The following NRG3 variants were observed in gnomAD, a reference collection of about 807,000 sequenced individuals.
NRG3 encodes the protein pro-neuregulin-3, membrane-bound isoform.
Under a neutral mutation model 66.9 loss-of-function variants are expected in NRG3, and 31 were observed. The ratio of observed to expected loss-of-function variants is 0.46; its 90% confidence interval spans 0.35 to 0.63. The LOEUF is 0.63. NRG3 is among the 20% of genes least tolerant of loss of function. NRG3 has a pLI of 0.00. For synonymous variants in NRG3, 393 were observed against 359.4 expected (o/e 1.09, Z -1.06); for missense variants, 910 against 878.9 (o/e 1.04, Z -0.45).
chr10:81,976,330 C>G lies in NRG3; in HGVS notation c.823+100167C>G, dbSNP rs570489210. 7.9e-5 allele frequency among the ~76,000 whole-genome samples: 12 copies of G among 152,250 alleles called. No individual in the cohort carries two copies. The South Asian group carries it at 1.2e-3, about 16-fold the overall frequency. On this transcript the variant is annotated intron_variant, in intron 1 of 8. Transcript: ENST00000372141. The stretch of plus-strand genomic sequence containing the variant: ...GGCCTGCTGGAATGTGGGCACTGCA[C>G]TTACTAGTAAAATAGGCTGGCCTCC...
chr10:82,209,716 G>A (rs957560054), intron 1 of NRG3, among the ~76,000 whole-genome samples: 3 of 152,094 alleles, frequency 2.0e-5, no homozygotes, highest in Non-Finnish European at 4.4e-5. Flanking sequence ...GCTTAGGAAT[G>A]TACTTTTCTT....
At chr10:82,715,202 C>T (rs1031439071) in intron 2 of NRG3, among the ~76,000 whole-genome samples, 1 of 152,126 alleles carries the variant, frequency 6.6e-6, no homozygotes, top group Non-Finnish European at 1.5e-5. Flanking sequence ...CGAGACCAGC[C>T]TGAGCAACAT....
intron 2 of NRG3, among the ~76,000 whole-genome samples, chr10:82,733,826 A>G (rs751890527): frequency 8.5e-5 from 13 of 152,206 alleles, no homozygotes; most frequent in Admixed American, 6.5e-4. Flanking sequence ...TTTTTCACTC[A>G]TTGTCATATT....
chr10:82,054,663 G>A (rs949215332), intron 1 of NRG3, among the ~76,000 whole-genome samples: 1 of 152,008 alleles, frequency 6.6e-6, no homozygotes, highest in African/African-American at 2.4e-5. Flanking sequence ...AAGTGGGGAG[G>A]AACCAGCAAA....
chr10:82,295,956 TA>T (rs1589627306), intron 1 of NRG3, among the ~76,000 whole-genome samples: 2 of 152,114 alleles, frequency 1.3e-5, no homozygotes, highest in East Asian at 3.9e-4. Context: ...TGGATACATG[TA>T]AAATTACTAT....
intron 2 of NRG3, among the ~76,000 whole-genome samples, chr10:82,659,375 A>T (rs532424591): frequency 1.8e-4 from 27 of 152,286 alleles, no homozygotes; most frequent in African/African-American, 6.3e-4. Context: ...AAAATATTCT[A>T]GGCTGGGCAT....
At chr10:82,835,342 G>A (rs2062722056) in intron 3 of NRG3, among the ~76,000 whole-genome samples, 1 of 152,134 alleles carries the variant, frequency 6.6e-6, no homozygotes, top group African/African-American at 2.4e-5. Context: ...TCCACGATGA[G>A]ATTCACCATA....
chr10:82,289,794 T>C (rs897623366), intron 1 of NRG3, among the ~76,000 whole-genome samples: 1 of 152,200 alleles, frequency 6.6e-6, no homozygotes, highest in African/African-American at 2.4e-5. Flanking sequence ...AATGTATACA[T>C]ATACATTTGC....
At chr10:82,603,621 G>A (rs2047771633) in intron 2 of NRG3, among the ~76,000 whole-genome samples, 1 of 152,002 alleles carries the variant, frequency 6.6e-6, no homozygotes, top group African/African-American at 2.4e-5. Flanking sequence ...TGGTGTGCAA[G>A]CGTAAGCTTA....
In NRG3 at chr10:81,876,158, A is replaced by G. The variant is rs746339471; in HGVS notation, c.818A>G (p.Lys273Arg). 3 of 1,580,546 alleles carry G rather than the reference A, an allele frequency of 1.9e-6. No homozygotes were observed. Among genetic ancestry groups the G allele is most frequent in the Non-Finnish European group, 2.6e-6 (3 of 1,163,338 alleles). Residue 273 changes from lysine (K) to arginine (R), a missense_variant, in exon 1 of 9, where the codon AAA becomes AGA. Lys to Arg is a conservative substitution (Grantham distance 26). Coordinates refer to ENST00000372141, the MANE Select transcript of NRG3 (RefSeq NM_001010848.4). The part of the protein sequence containing the change: ...TTTPETSTSP[K>R]FHTTTYSTER... Reference sequence around the variant, plus strand: ...ACACCAGAAACTAGCACCAGCCCCAAATTTCGTAAGTAAACACTGTGTCTC... The same window carrying G: ...ACACCAGAAACTAGCACCAGCCCCAGATTTCGTAAGTAAACACTGTGTCTC...
intron 2 of NRG3, among the ~76,000 whole-genome samples, chr10:82,470,350 G>A (rs746582915): frequency 6.6e-6 from 1 of 152,172 alleles, no homozygotes; most frequent in African/African-American, 2.4e-5. Flanking sequence ...TCACACAAGT[G>A]GCTGAAACCC....
At chr10:82,877,106 T>TA (rs1254504594) in intron 4 of NRG3, among the ~76,000 whole-genome samples, 1 of 152,058 alleles carries the variant, frequency 6.6e-6, no homozygotes, top group African/African-American at 2.4e-5. Context: ...AATTCTGCCT[T>TA]ACAGTTGCTT....
intron 2 of NRG3, among the ~76,000 whole-genome samples, chr10:82,528,671 A>C (rs1478735854): frequency 6.6e-6 from 1 of 152,146 alleles, no homozygotes; most frequent in African/African-American, 2.4e-5. Context: ...TGTGGCCTTC[A>C]AACAGTGTTG....
chr10:82,806,878 C>T (rs116085007), intron 3 of NRG3, among the ~76,000 whole-genome samples: 90 of 152,232 alleles, frequency 5.9e-4, no homozygotes, highest in African/African-American at 1.8e-3. Context: ...CTGCATGTAA[C>T]CCTTCCTATT....
chr10:82,771,978 A>G (rs970059326), intron 3 of NRG3, among the ~76,000 whole-genome samples: 1 of 152,036 alleles, frequency 6.6e-6, no homozygotes, highest in African/African-American at 2.4e-5. Flanking sequence ...TTCAAAATCT[A>G]TTTCCTTCTT....
At position 82,976,599 on chromosome 10, in the gene NRG3, T is replaced by A. The variant is rs79339067; in HGVS notation, c.1413-2351T>A. Among the ~76,000 whole-genome samples, 416 of 152,318 alleles carry A rather than the reference T, an allele frequency of 2.7e-3. 7 individuals carry two copies. The East Asian group carries it at 0.051, about 19-fold the overall frequency. ...AAGTAGAATGCTGATATCTTCCTTTTGTCACTCCCTTCTCACTCTAGCAGC... is the reference window on the plus strand; with the variant it reads ...AAGTAGAATGCTGATATCTTCCTTTAGTCACTCCCTTCTCACTCTAGCAGC... On this transcript the variant is annotated intron_variant, in intron 7 of 8. Transcript: ENST00000372141.
At chr10:82,794,665 T>G (rs2060722114) in intron 3 of NRG3, among the ~76,000 whole-genome samples, 2 of 152,174 alleles carry the variant, frequency 1.3e-5, no homozygotes, top group Admixed American at 1.3e-4. Flanking sequence ...CAAACAGGTC[T>G]TGGGTAGAAC....
intron 2 of NRG3, among the ~76,000 whole-genome samples, chr10:82,454,415 T>C (rs2091176761): frequency 6.6e-6 from 1 of 151,912 alleles, no homozygotes; most frequent in Non-Finnish European, 1.5e-5. Flanking sequence ...AAACAAAGAA[T>C]GGAGAATATA....
At chr10:82,319,806 C>G (rs1176777590) in intron 1 of NRG3, among the ~76,000 whole-genome samples, 1 of 152,200 alleles carries the variant, frequency 6.6e-6, no homozygotes, top group African/African-American at 2.4e-5. Flanking sequence ...GCTGACTTCA[C>G]AGCTCAATCT....
Sources: gnomAD v4.1 joint callset for allele counts (sites outside exome capture counted in the v4.1 genomes callset) on GRCh38, gnomAD v4.1.1 for gene constraint, MANE v1.5 for transcripts, NCBI Gene and HGNC (gene_info 2026-07-23, HGNC 2026-07-21) for gene names.